IL1RN: variants seen among roughly 807,000 people sequenced by gnomAD.
IL1RN encodes the protein interleukin-1 receptor antagonist protein.
Under a neutral mutation model 13.7 loss-of-function variants are expected in IL1RN, and 10 were observed. That is an observed-to-expected ratio of 0.73 (90% CI 0.45 to 1.24). The LOEUF (loss-of-function observed/expected upper bound fraction) is 1.24, where lower values mean the gene tolerates loss of function less well. IL1RN is among the 50% of genes most tolerant of loss of function. The probability of loss-of-function intolerance (pLI) is 0.00; values close to 1 mark genes in which losing one functional copy is unlikely to be tolerated. For synonymous variants in IL1RN, 102 were observed against 82.7 expected, an observed-to-expected ratio of 1.23 and a Z score of -1.27; for missense variants, 213 against 222.1, an observed-to-expected ratio of 0.96 and a Z score of 0.26.
chr2:113,106,075 T>C (rs1686382358), upstream of IL1RN, among the ~76,000 whole-genome samples: 1 of 152,226 alleles, frequency 6.6e-6, no homozygotes, highest in South Asian at 2.1e-4. Context: ...TATTAATCCC[T>C]TGTTATTGAT....
chr2:113,119,480 A>T (rs927156856), intron 1 of IL1RN, among the ~76,000 whole-genome samples: 3 of 152,182 alleles, frequency 2.0e-5, no homozygotes, highest in African/African-American at 7.2e-5. Context: ...TGGAGAGGGG[A>T]ATTGCTTTGT....
intron 2 of IL1RN, chr2:113,120,160 C>A (rs1206038659): frequency 2.1e-6 from 3 of 1,448,960 alleles, no homozygotes; most frequent in Admixed American, 1.7e-5. Flanking sequence ...AGTTTGAAAA[C>A]AATTTTAGGC....
exon 1 of IL1RN, chr2:113,117,998 C>T (rs779789924): frequency 2.8e-6 from 4 of 1,440,922 alleles, no homozygotes; most frequent in Non-Finnish European, 3.9e-6. Flanking sequence ...AGAAGACCTC[C>T]TGTCCTATGA....
At chr2:113,103,494 G>A (rs1686344052), upstream of IL1RN, among the ~76,000 whole-genome samples, 1 of 152,166 alleles carries the variant, frequency 6.6e-6, no homozygotes, top group African/African-American at 2.4e-5. Flanking sequence ...CCGCCATGAG[G>A]CAAGGAATGT....
chr2:113,107,023 A>G (rs1053600363), upstream of IL1RN, among the ~76,000 whole-genome samples: 2 of 152,252 alleles, frequency 1.3e-5, no homozygotes, highest in African/African-American at 4.8e-5. Context: ...AAACTATTAC[A>G]CAGAATGCAA....
upstream of IL1RN, among the ~76,000 whole-genome samples, chr2:113,110,259 C>A (rs572547505): frequency 1.1e-3 from 173 of 152,324 alleles, 2 homozygotes; most frequent in South Asian, 4.1e-4. Context: ...TACTCTGAAG[C>A]CTTTGAGGAA....
exon 1 of IL1RN, chr2:113,117,908 G>A: frequency 1.3e-6 from 1 of 788,352 alleles, no homozygotes; most frequent in Admixed American, 1.7e-5. Context: ...GCTCCACCCT[G>A]GGAGGGACTG....
chr2:113,122,473 C>T (rs1008517119), intron 2 of IL1RN, among the ~76,000 whole-genome samples: 12 of 152,152 alleles, frequency 7.9e-5, no homozygotes, highest in Non-Finnish European at 1.6e-4. Context: ...GATATCATGT[C>T]AGTAGCTTGA....
upstream of IL1RN, among the ~76,000 whole-genome samples, chr2:113,108,572 C>T (rs1686422862): frequency 6.6e-6 from 1 of 152,110 alleles, no homozygotes; most frequent in African/African-American, 2.4e-5. Context: ...TTAAGGTTAG[C>T]TGATTAGCAA....
chr2:113,108,104 G>T (rs116334546), upstream of IL1RN, among the ~76,000 whole-genome samples: 1,134 of 152,228 alleles, frequency 7.4e-3, 16 homozygotes, highest in African/African-American at 0.026. Flanking sequence ...TAAAATCAGG[G>T]TATCAGCAGG....
intron 1 of IL1RN, among the ~76,000 whole-genome samples, chr2:113,119,245 T>G (rs2254511): frequency 0.96 from 146,532 of 152,266 alleles, 70,749 homozygotes; most frequent in East Asian, 1. Context: ...GCTAGGCGCC[T>G]TGCTGAGCAC....
chr2:113,114,499 G>A (rs1424168339), upstream of IL1RN, among the ~76,000 whole-genome samples: 6 of 152,282 alleles, frequency 3.9e-5, no homozygotes, highest in Middle Eastern at 3.4e-3. Context: ...GGCGATGGAG[G>A]TAGCTCCCAG....
At chr2:113,122,488 A>G (rs1418941451) in intron 2 of IL1RN, among the ~76,000 whole-genome samples, 1 of 152,194 alleles carries the variant, frequency 6.6e-6, no homozygotes, top group Non-Finnish European at 1.5e-5. Flanking sequence ...GCTTGAAATT[A>G]TCCGTGGTGG....
chr2:113,115,835 C>T (rs1265561241), upstream of IL1RN: 3 of 152,246 alleles, frequency 2.0e-5, no homozygotes, highest in Non-Finnish European at 2.9e-5. Flanking sequence ...CCTTTACCCT[C>T]GATGTCCCCA....
chr2:113,118,545 C>T (rs1234459407), intron 1 of IL1RN, among the ~76,000 whole-genome samples: 1 of 152,134 alleles, frequency 6.6e-6, no homozygotes, highest in East Asian at 1.9e-4. Flanking sequence ...CAGAACTTCT[C>T]GCTTTTCCAG....
chr2:113,110,646 C>T (rs577635550), upstream of IL1RN, among the ~76,000 whole-genome samples: 335 of 152,290 alleles, frequency 2.2e-3, 4 homozygotes, highest in Middle Eastern at 6.8e-3. Context: ...TTTCTTAGCT[C>T]TGCATCCTTA....
chr2:113,114,530 G>A (rs887821348), upstream of IL1RN, among the ~76,000 whole-genome samples: 1 of 152,164 alleles, frequency 6.6e-6, no homozygotes. Context: ...TACAGGTTAA[G>A]AAGAGTCTAT....
chr2:113,118,480 G>T (rs1276780722), intron 1 of IL1RN, among the ~76,000 whole-genome samples: 1 of 14,258 alleles, frequency 7.0e-5, no homozygotes, highest in African/African-American at 7.5e-5. Context: ...GAGAATTAAG[G>T]GCTTGGCACA....
chr2:113,109,971 T>C (rs1056245888), upstream of IL1RN, among the ~76,000 whole-genome samples: 7 of 152,196 alleles, frequency 4.6e-5, no homozygotes, highest in African/African-American at 1.4e-4. Flanking sequence ...CTCTGCTTCC[T>C]GCTGATTGAT....
Sources: allele counts gnomAD v4.1 joint callset (sites outside exome capture counted in the v4.1 genomes callset), GRCh38; gene constraint gnomAD v4.1.1; transcripts MANE v1.5; gene names NCBI Gene and HGNC (gene_info 2026-07-23, HGNC 2026-07-21).